Variants in GPC3 observed in about 807,000 individuals in gnomAD.
GPC3 encodes glypican 3, also known as glypican-3.
In GPC3, 3 loss-of-function variants were observed where a neutral mutation model predicts 34.4. The observed-to-expected ratio is 0.09, with a 90% CI of 0.04 to 0.23. The LOEUF (loss-of-function observed/expected upper bound fraction) is 0.23, where lower values mean the gene tolerates loss of function less well. Ranked by LOEUF, GPC3 falls within the 10% of genes least tolerant of loss-of-function variation. The pLI, the probability that GPC3 is intolerant of heterozygous loss-of-function variation, is 1.00. For missense variants in GPC3, 351 were observed against 445.6 expected (o/e 0.79, Z 1.91); for synonymous variants, 177 against 174.0 (o/e 1.02, Z -0.13).
At chrX:133,781,644 C>T (rs964123507) in intron 2 of GPC3, among the ~76,000 whole-genome samples, 6 of 111,874 alleles carry the variant, frequency 5.4e-5, no homozygotes, top group African/African-American at 1.6e-4. Flanking sequence ...GAAGCAGAAA[C>T]TAGGTGTAAG....
intron 5 of GPC3, among the ~76,000 whole-genome samples, chrX:133,669,478 T>A (rs2070805898): frequency 8.9e-6 from 1 of 111,923 alleles, no homozygotes; most frequent in Non-Finnish European, 1.9e-5. Context: ...CAGCATTTCA[T>A]TTCCTCAGGC....
At chrX:133,547,869 C>T (rs899055827) in intron 7 of GPC3, among the ~76,000 whole-genome samples, 4 of 110,421 alleles carry the variant, frequency 3.6e-5, no homozygotes, top group Non-Finnish European at 7.6e-5. Flanking sequence ...CCATGTTGTC[C>T]GGGCTGGTCT....
chrX:133,727,419 A>G (rs1203461201), intron 3 of GPC3, among the ~76,000 whole-genome samples: 1 of 110,433 alleles, frequency 9.1e-6, no homozygotes, highest in Non-Finnish European at 1.9e-5. Context: ...GCATGGTGGC[A>G]GGTGCCTGTA....
chrX:133,759,522 T>C (rs748321798), intron 2 of GPC3, among the ~76,000 whole-genome samples: 25 of 112,308 alleles, frequency 2.2e-4, no homozygotes, highest in South Asian at 3.6e-4. Context: ...GAAAGAATAA[T>C]CTTTGCAACA....
intron 5 of GPC3, among the ~76,000 whole-genome samples, chrX:133,662,146 A>T (rs984619769): frequency 9.0e-6 from 1 of 111,665 alleles, no homozygotes; most frequent in Non-Finnish European, 1.9e-5. Context: ...AGTCTAGAAG[A>T]GTAAGGGCCA....
chrX:133,745,077 G>A (rs1334872824), intron 3 of GPC3, among the ~76,000 whole-genome samples: 2 of 111,308 alleles, frequency 1.8e-5, no homozygotes, highest in African/African-American at 6.5e-5. Context: ...AGGTTGATGG[G>A]TGCAGCAAAC....
chrX:133,727,161 G>C (rs2071416456), intron 3 of GPC3, among the ~76,000 whole-genome samples: 1 of 111,809 alleles, frequency 8.9e-6, no homozygotes, highest in African/African-American at 3.3e-5. Flanking sequence ...ACAAAGTTTG[G>C]TACATGAAAG....
At chrX:133,800,508 G>A (rs181920528) in intron 2 of GPC3, among the ~76,000 whole-genome samples, 1 of 111,958 alleles carries the variant, frequency 8.9e-6, no homozygotes, top group East Asian at 2.8e-4. Context: ...TGGTTATTAT[G>A]GTGTCAGGAG....
At chrX:133,833,438 T>A (rs1336205698) in intron 2 of GPC3, among the ~76,000 whole-genome samples, 1 of 111,458 alleles carries the variant, frequency 9.0e-6, no homozygotes. Flanking sequence ...CTGATTAAAA[T>A]CGAGAGAAGA....
rs141246706 is a variant in GPC3, at chrX:133,844,578, C to T, written c.338-90402G>A. Among the ~76,000 whole-genome samples the T allele has an allele frequency of 5.8e-3, 644 of 111,147 alleles. 7 individuals are homozygous for T. Among genetic ancestry groups the T allele is most frequent in the African/African-American group, 0.02 (622 of 30,583 alleles). On this transcript the variant is annotated intron_variant, in intron 2 of 7. Coordinates refer to ENST00000370818, the MANE Select transcript of GPC3 (RefSeq NM_004484.4). ...AGACCGAGTACAGTTATTTGTGAAA[C>T]CTTATTTGGTAAATCCATTTTGCTT...
chrX:133,814,624 A>AAGGCG (rs2075680901), intron 2 of GPC3, among the ~76,000 whole-genome samples: 1 of 110,554 alleles, frequency 9.0e-6, no homozygotes, highest in Non-Finnish European at 1.9e-5. Flanking sequence ...CTGGAGTGCA[A>AAGGCG]TGGCGTGATC....
intron 2 of GPC3, among the ~76,000 whole-genome samples, chrX:133,933,304 T>A (rs966729678): frequency 2.7e-5 from 3 of 109,683 alleles, no homozygotes; most frequent in Middle Eastern, 4.2e-3. Context: ...ATGCCAACAA[T>A]GAGCAAGGGA....
At chrX:133,914,993 T>C (rs1308651066) in intron 2 of GPC3, among the ~76,000 whole-genome samples, 2 of 88,039 alleles carry the variant, frequency 2.3e-5, no homozygotes, top group Non-Finnish European at 4.3e-5. Context: ...AGTTTTATAT[T>C]CTTTTCTTTA....
At chrX:133,908,451 A>G (rs919023780) in intron 2 of GPC3, among the ~76,000 whole-genome samples, 2 of 111,531 alleles carry the variant, frequency 1.8e-5, no homozygotes, top group Non-Finnish European at 3.8e-5. Flanking sequence ...TGGGGAAGGC[A>G]TGAGGCTTGT....
chrX:133,846,873 T>A (rs2075849189), intron 2 of GPC3, among the ~76,000 whole-genome samples: 1 of 111,886 alleles, frequency 8.9e-6, no homozygotes, highest in Non-Finnish European at 1.9e-5. Flanking sequence ...CTAAACCAGC[T>A]TTGCTCATAG....
intron 1 of GPC3, among the ~76,000 whole-genome samples, chrX:133,984,113 T>A (rs2076554461): frequency 8.8e-6 from 1 of 113,268 alleles, no homozygotes; most frequent in South Asian, 3.6e-4. Flanking sequence ...CCCGCCTCCA[T>A]GACTTGTTGA....
chrX:133,692,165 G>A (rs1361228443), intron 5 of GPC3, among the ~76,000 whole-genome samples: 4 of 112,170 alleles, frequency 3.6e-5, no homozygotes, highest in South Asian at 3.7e-4. Flanking sequence ...GGCTGGTCTC[G>A]AACTCCTGAC....
intron 6 of GPC3, among the ~76,000 whole-genome samples, chrX:133,623,685 C>T (rs915645143): frequency 9.0e-6 from 1 of 111,628 alleles, no homozygotes; most frequent in Non-Finnish European, 1.9e-5. Context: ...TACAAAGAGA[C>T]TTAGACTTCC....
intron 7 of GPC3, among the ~76,000 whole-genome samples, chrX:133,544,144 T>C (rs934332414): frequency 9.0e-6 from 1 of 111,485 alleles, no homozygotes; most frequent in Non-Finnish European, 1.9e-5. Flanking sequence ...CGTGGGATGA[T>C]TGCTTGAGTT....
Sources: gnomAD v4.1 joint callset for allele counts (sites outside exome capture counted in the v4.1 genomes callset) on GRCh38, gnomAD v4.1.1 for gene constraint, MANE v1.5 for transcripts, NCBI Gene and HGNC (gene_info 2026-07-23, HGNC 2026-07-21) for gene names.